Variants in NEGR1 observed in about 807,000 individuals in gnomAD.
NEGR1 encodes the protein neuronal growth regulator 1, also known as IgLON family member 4.
NEGR1 carries 10 observed loss-of-function variants against 40.9 expected under a neutral mutation model. The ratio of observed to expected loss-of-function variants is 0.24; its 90% CI spans 0.15 to 0.42. The LOEUF (loss-of-function observed/expected upper bound fraction) is 0.42, where lower values mean the gene tolerates loss of function less well. Ranked by LOEUF, NEGR1 falls within the 10% of genes least tolerant of loss-of-function variation. NEGR1 has a pLI of 1.00. For missense variants in NEGR1, 352 were observed against 438.9 expected (o/e 0.80, Z 1.77); for synonymous variants, 185 against 166.8 (o/e 1.11, Z -0.84).
At position 72,213,235 on chromosome 1, in the gene NEGR1, C is replaced by T. The variant is rs773494046; in HGVS notation, c.176+69084G>A. 5.3e-5 allele frequency among the ~76,000 whole-genome samples: 8 copies of T among 151,774 alleles called. No individual in the cohort carries two copies. In the East Asian group the frequency reaches 5.8e-4, roughly 11 times the overall value. ...CATATTATGAATGCAAGGTGTAATC[C>T]GCAGATACGAATGAGGATTAATTCA... On this transcript the variant is annotated intron_variant, in intron 1 of 6. Coordinates refer to ENST00000357731, the MANE Select transcript of NEGR1 (RefSeq NM_173808.3).
At position 71,412,357 on chromosome 1, in the gene NEGR1, CAT is replaced by C. The variant is rs572793355; in HGVS notation, c.941-4789_941-4788del. On this transcript the variant is annotated intron_variant, in intron 6 of 6. Coordinates refer to ENST00000357731, the MANE Select transcript of NEGR1 (RefSeq NM_173808.3). ...TAAACATCAAAAATACCAGTTTTTC[CAT>C]GAGGCCATCCCCAATCTAAGAAAAA... 2.4e-3 allele frequency among the ~76,000 whole-genome samples: 366 copies of C among 152,266 alleles called. 1 individual carries two copies. Among genetic ancestry groups the C allele is most frequent in the Non-Finnish European group, 4.6e-3 (314 of 68,014 alleles).
intron 4 of NEGR1, among the ~76,000 whole-genome samples, chr1:71,697,246 G>A (rs545034325): frequency 5.9e-5 from 9 of 151,894 alleles, no homozygotes; most frequent in African/African-American, 2.2e-4. Flanking sequence ...AATACTTTGG[G>A]TAAAATACAA....
intron 1 of NEGR1, among the ~76,000 whole-genome samples, chr1:72,243,051 GTAT>G (rs1485785579): frequency 6.6e-6 from 1 of 151,626 alleles, no homozygotes; most frequent in South Asian, 2.1e-4. Context: ...TATCATTTCT[GTAT>G]TATTTATTTA....
At chr1:72,111,083 TATAC>T (rs71786598) in intron 1 of NEGR1, among the ~76,000 whole-genome samples, 33,181 of 90,036 alleles carry the variant, frequency 0.37, 3,791 homozygotes, top group East Asian at 0.49. Context: ...CATATATATA[TATAC>T]ACACACACAC....
At chr1:71,720,504 T>C (rs1654469125) in intron 3 of NEGR1, among the ~76,000 whole-genome samples, 1 of 152,172 alleles carries the variant, frequency 6.6e-6, no homozygotes, top group Admixed American at 6.6e-5. Context: ...AAGGCATTTT[T>C]TTCCCTAGAA....
chr1:71,966,890 C>T (rs1210372356), intron 1 of NEGR1, among the ~76,000 whole-genome samples: 2 of 152,038 alleles, frequency 1.3e-5, no homozygotes, highest in African/African-American at 2.4e-5. Flanking sequence ...GCCCAAAGGA[C>T]AAGAAAATAA....
intron 1 of NEGR1, among the ~76,000 whole-genome samples, chr1:72,145,382 T>C (rs1438878331): frequency 2.0e-5 from 3 of 152,158 alleles, no homozygotes; most frequent in African/African-American, 4.8e-5. Flanking sequence ...TTCAAGTGAA[T>C]TGAGTTGTTG....
intron 2 of NEGR1, among the ~76,000 whole-genome samples, chr1:71,863,156 C>T (rs576619415): frequency 6.6e-6 from 1 of 152,186 alleles, no homozygotes; most frequent in South Asian, 2.1e-4. Context: ...TGCATATGTT[C>T]ATTGCAGCAT....
At chr1:72,025,177 A>G (rs1646795811) in intron 1 of NEGR1, among the ~76,000 whole-genome samples, 1 of 152,180 alleles carries the variant, frequency 6.6e-6, no homozygotes, top group African/African-American at 2.4e-5. Flanking sequence ...CTTATATAGT[A>G]TAACGTTTAC....
chr1:71,738,017 A>G (rs1655093909), intron 3 of NEGR1, among the ~76,000 whole-genome samples: 1 of 152,158 alleles, frequency 6.6e-6, no homozygotes, highest in African/African-American at 2.4e-5. Flanking sequence ...GAAACAGCCC[A>G]TGCTGAAGTA....
intron 1 of NEGR1, among the ~76,000 whole-genome samples, chr1:72,257,366 A>G (rs1006971569): frequency 6.7e-6 from 1 of 149,768 alleles, no homozygotes; most frequent in Non-Finnish European, 1.5e-5. Flanking sequence ...AACATTTCTT[A>G]TCTAACAAGG....
At chr1:71,655,717 C>A (rs1002519804) in intron 4 of NEGR1, among the ~76,000 whole-genome samples, 2 of 152,078 alleles carry the variant, frequency 1.3e-5, no homozygotes, top group Non-Finnish European at 2.9e-5. Context: ...TGTCCTTGTT[C>A]TCACAGAGTT....
At chr1:71,997,354 T>C (rs978278091) in intron 1 of NEGR1, among the ~76,000 whole-genome samples, 2 of 152,080 alleles carry the variant, frequency 1.3e-5, no homozygotes, top group East Asian at 1.9e-4. Context: ...ACAGACTACT[T>C]GTTGTAGTCC....
intron 2 of NEGR1, among the ~76,000 whole-genome samples, chr1:71,856,830 A>T (rs928630313): frequency 6.6e-6 from 1 of 152,068 alleles, no homozygotes; most frequent in African/African-American, 2.4e-5. Flanking sequence ...TTTCTTTTTT[A>T]ACAGTGTCAA....
At chr1:71,999,767 C>T (rs181899343) in intron 1 of NEGR1, among the ~76,000 whole-genome samples, 33 of 147,146 alleles carry the variant, frequency 2.2e-4, no homozygotes, top group Non-Finnish European at 3.7e-4. Context: ...ACTTTGTTTA[C>T]ATACTATCAA....
intron 6 of NEGR1, among the ~76,000 whole-genome samples, chr1:71,524,583 GA>G: frequency 6.6e-6 from 1 of 151,624 alleles, no homozygotes; most frequent in South Asian, 2.1e-4. Flanking sequence ...ATTAGATGTA[GA>G]AAAAAGGAAG....
chr1:72,215,774 G>A (rs1162566708), intron 1 of NEGR1, among the ~76,000 whole-genome samples: 2 of 152,082 alleles, frequency 1.3e-5, no homozygotes, highest in African/African-American at 4.8e-5. Context: ...CTGTAAATTA[G>A]TTCAACCGTT....
chr1:71,723,893 T>G (rs906780413), intron 3 of NEGR1, among the ~76,000 whole-genome samples: 24 of 152,018 alleles, frequency 1.6e-4, no homozygotes, highest in Non-Finnish European at 3.1e-4. Context: ...GCAGGTTGAG[T>G]ATTAGAATTG....
intron 2 of NEGR1, among the ~76,000 whole-genome samples, chr1:71,786,325 C>A (rs542612226): frequency 6.6e-6 from 1 of 151,912 alleles, no homozygotes; most frequent in Non-Finnish European, 1.5e-5. Context: ...TCCATATGAT[C>A]CAATAAGCTC....
Sources: allele counts gnomAD v4.1 joint callset (sites outside exome capture counted in the v4.1 genomes callset), GRCh38; gene constraint gnomAD v4.1.1; transcripts MANE v1.5; gene names NCBI Gene and HGNC (gene_info 2026-07-23, HGNC 2026-07-21).